Variants in MARCHF11 observed in about 807,000 individuals in gnomAD.
MARCHF11 encodes the protein E3 ubiquitin-protein ligase MARCHF11.
In MARCHF11, 29 loss-of-function variants were observed where a neutral mutation model predicts 37.3. The observed-to-expected ratio is 0.78, with a 90% confidence interval of 0.58 to 1.06. The LOEUF (loss-of-function observed/expected upper bound fraction) is 1.06. Ranked by LOEUF, MARCHF11 falls within the 50% of genes least tolerant of loss-of-function variation. MARCHF11 has a pLI of 0.00. For synonymous variants in MARCHF11, 233 were observed against 228.0 expected, an observed-to-expected ratio of 1.02 and a Z score of -0.20; for missense variants, 482 against 533.4, an observed-to-expected ratio of 0.90 and a Z score of 0.95.
At position 16,090,971 on chromosome 5, in the gene MARCHF11, G is replaced by A. The variant is rs767414706; in HGVS notation, c.804C>T (p.Ser268=). The A allele has an allele frequency of 4.3e-6, 7 of 1,611,882 alleles. No homozygotes were observed. Among genetic ancestry groups the A allele is most frequent in the African/African-American group, 1.3e-5 (1 of 74,278 alleles). ...SVTWLLWSAF[S]PYAVWQRKDI... Reference sequence around the variant, plus strand: ...CCTTCCTCTGCCACACTGCATAGGGGCTGAAGGCTGACCAGAGGAGCCAAG... The same window carrying A: ...CCTTCCTCTGCCACACTGCATAGGGACTGAAGGCTGACCAGAGGAGCCAAG... Residue 268 remains serine (S), a synonymous_variant, in exon 3 of 4, where the codon AGC becomes AGT. Coordinates refer to ENST00000332432, the MANE Select transcript of MARCHF11 (RefSeq NM_001102562.3).
intron 3 of MARCHF11, among the ~76,000 whole-genome samples, chr5:16,081,214 G>A (rs534170512): frequency 5.9e-5 from 9 of 152,228 alleles, no homozygotes; most frequent in African/African-American, 2.2e-4. Flanking sequence ...TTCCCTGGCT[G>A]TCTCCTCTTC....
At chr5:16,150,866 A>G (rs1037950132) in intron 2 of MARCHF11, among the ~76,000 whole-genome samples, 1 of 152,042 alleles carries the variant, frequency 6.6e-6, no homozygotes, top group Non-Finnish European at 1.5e-5. Context: ...TCAAGAGAAC[A>G]TTGTGGAAAA....
At chr5:16,128,064 C>T (rs1737445184) in intron 2 of MARCHF11, among the ~76,000 whole-genome samples, 1 of 152,174 alleles carries the variant, frequency 6.6e-6, no homozygotes, top group Non-Finnish European at 1.5e-5. Context: ...TGAGTGCCTG[C>T]CATCTCTTGC....
chr5:16,077,142 C>G (rs1031606005), intron 3 of MARCHF11, among the ~76,000 whole-genome samples: 1 of 152,092 alleles, frequency 6.6e-6, no homozygotes, highest in African/African-American at 2.4e-5. Context: ...TGTCTATCTT[C>G]TGTGTTAATT....
At chr5:16,071,026 A>G (rs1193601899) in intron 3 of MARCHF11, among the ~76,000 whole-genome samples, 1 of 152,134 alleles carries the variant, frequency 6.6e-6, no homozygotes, top group Non-Finnish European at 1.5e-5. Flanking sequence ...GACTACTATG[A>G]TCATTAAAGC....
At chr5:16,078,417 A>C (rs1295994585) in intron 3 of MARCHF11, among the ~76,000 whole-genome samples, 1 of 152,044 alleles carries the variant, frequency 6.6e-6, no homozygotes, top group Non-Finnish European at 1.5e-5. Flanking sequence ...ACCCTATGTC[A>C]AATTCTTTAC....
At chr5:16,090,807 A>C in intron 3 of MARCHF11, 82 bp downstream of exon 3, 1 of 1,106,812 alleles carries the variant, frequency 9.0e-7, no homozygotes, top group Middle Eastern at 2.3e-4. Flanking sequence ...AACATTCTCT[A>C]TTAGATCCGA....
rs1047772820 is a variant in MARCHF11 at position 16,067,143 on chromosome 5, CT to C, written c.*327del. 9.2e-6 allele frequency: 2 copies of C among 216,664 alleles called. No homozygotes were observed. Among genetic ancestry groups the C allele is most frequent in the African/African-American group, 4.7e-5 (2 of 42,784 alleles). 13.4% of individuals were successfully genotyped at this position (216,664 alleles called of 1,614,324 possible). ...TGAAAAATTACACACAGAGCGAAAG[CT>C]TTCATAAAAATATATTTAAAACAAG... On this transcript the variant is annotated 3_prime_UTR_variant, in exon 4 of 4. Coordinates refer to ENST00000332432, the MANE Select transcript of MARCHF11 (RefSeq NM_001102562.3).
In MARCHF11 at chr5:16,124,946, G is replaced by A. The variant is rs530435226; in HGVS notation, c.694-33865C>T. Among the ~76,000 whole-genome samples the A allele has an allele frequency of 7.3e-5, 11 of 151,388 alleles. 1 individual carries two copies. Among genetic ancestry groups the A allele is most frequent in the South Asian group, 6.3e-4 (3 of 4,778 alleles). ...CTAAGTTTTTGGCTGGCATTCTGTCGATCTGATTAGATTGTCATTATTTTC... is the reference window on the plus strand; with the variant it reads ...CTAAGTTTTTGGCTGGCATTCTGTCAATCTGATTAGATTGTCATTATTTTC... On this transcript the variant is annotated intron_variant, in intron 2 of 3. Coordinates refer to ENST00000332432, the MANE Select transcript of MARCHF11 (RefSeq NM_001102562.3).
At chr5:16,070,382 C>T (rs188599373) in intron 3 of MARCHF11, among the ~76,000 whole-genome samples, 17 of 152,244 alleles carry the variant, frequency 1.1e-4, no homozygotes, top group Admixed American at 3.9e-4. Context: ...TCTATAAATA[C>T]AAGACATTAT....
At chr5:16,155,160 A>T (rs344731) in intron 2 of MARCHF11, among the ~76,000 whole-genome samples, 3 of 151,856 alleles carry the variant, frequency 2.0e-5, no homozygotes, top group Non-Finnish European at 4.4e-5. Flanking sequence ...AGAGCCATAC[A>T]CACTAACTAC....
At chr5:16,167,286 T>C (rs1738187758) in intron 2 of MARCHF11, among the ~76,000 whole-genome samples, 1 of 151,936 alleles carries the variant, frequency 6.6e-6, no homozygotes, top group Non-Finnish European at 1.5e-5. Context: ...AAGATTGTGG[T>C]TCCAGTTCAA....
At chr5:16,080,028 T>C (rs1736581210) in intron 3 of MARCHF11, among the ~76,000 whole-genome samples, 1 of 152,180 alleles carries the variant, frequency 6.6e-6, no homozygotes, top group Admixed American at 6.5e-5. Context: ...AACACTACTA[T>C]TAAAGTAAAC....
At chr5:16,101,878 T>C (rs910525368) in intron 2 of MARCHF11, among the ~76,000 whole-genome samples, 3 of 152,198 alleles carry the variant, frequency 2.0e-5, no homozygotes, top group African/African-American at 7.2e-5. Flanking sequence ...AGAACAACAC[T>C]GTTAGTAATT....
chr5:16,116,747 A>C (rs1737232214), intron 2 of MARCHF11, among the ~76,000 whole-genome samples: 1 of 152,256 alleles, frequency 6.6e-6, no homozygotes, highest in African/African-American at 2.4e-5. Flanking sequence ...GAACAGCTGC[A>C]TAAAAATATC....
At chr5:16,171,764 G>A (rs1182318695) in intron 2 of MARCHF11, among the ~76,000 whole-genome samples, 1 of 152,102 alleles carries the variant, frequency 6.6e-6, no homozygotes, top group Non-Finnish European at 1.5e-5. Flanking sequence ...ATCAAGTGAA[G>A]ACAGTTTGGA....
chr5:16,158,537 T>C (rs1439324219), intron 2 of MARCHF11, among the ~76,000 whole-genome samples: 1 of 151,874 alleles, frequency 6.6e-6, no homozygotes, highest in Non-Finnish European at 1.5e-5. Context: ...ATGGAATCTA[T>C]AAGTCAAACA....
intron 3 of MARCHF11, among the ~76,000 whole-genome samples, chr5:16,071,237 TA>T (rs1736431845): frequency 1.3e-5 from 2 of 152,228 alleles, no homozygotes; most frequent in African/African-American, 4.8e-5. Flanking sequence ...CTATAAAACG[TA>T]AATACTGAAT....
chr5:16,146,067 A>G (rs1357621738), intron 2 of MARCHF11, among the ~76,000 whole-genome samples: 1 of 152,174 alleles, frequency 6.6e-6, no homozygotes, highest in African/African-American at 2.4e-5. Context: ...ACCAAAGCTC[A>G]TAATAATTTT....
Sources: allele counts gnomAD v4.1 joint callset (sites outside exome capture counted in the v4.1 genomes callset), GRCh38; gene constraint gnomAD v4.1.1; transcripts MANE v1.5; gene names NCBI Gene and HGNC (gene_info 2026-07-23, HGNC 2026-07-21).